Variants in CCDC50 observed in about 807,000 individuals in gnomAD.
CCDC50 encodes the protein coiled-coil domain-containing protein 50.
In CCDC50, 54 loss-of-function variants were observed where a neutral mutation model predicts 70.2. The ratio of observed to expected loss-of-function variants is 0.77; its 90% confidence interval spans 0.62 to 0.96. CCDC50 has a LOEUF of 0.96. Ranked by LOEUF, CCDC50 falls within the 50% of genes least tolerant of loss-of-function variation. The pLI, the probability that CCDC50 is intolerant of heterozygous loss-of-function variation, is 0.00. For synonymous variants in CCDC50, 216 were observed against 198.8 expected, an observed-to-expected ratio of 1.09 and a Z score of -0.73; for missense variants, 558 against 578.7, an observed-to-expected ratio of 0.96 and a Z score of 0.37.
chr3:191,329,661 G>A lies in CCDC50; in HGVS notation c.-14G>A. On this transcript the variant is annotated 5_prime_UTR_variant, in exon 1 of 12. Transcript: ENST00000392455. The stretch of plus-strand genomic sequence containing the variant: ...AAGCCCGCGTTAAAGGGGCAACCGG[G>A]ACCCTGGCCCGGTATGGCTGAAGTC... The A allele has an allele frequency of 1.2e-6, 2 of 1,606,996 alleles. No homozygotes were observed. Among genetic ancestry groups the A allele is most frequent in the Non-Finnish European group, 1.7e-6 (2 of 1,177,490 alleles).
rs1488846259 is a variant in CCDC50, at chr3:191,380,258, A to C, written c.1076A>C (p.Gln359Pro). ...WYDAEIARKLQEEELLATQVD... is the reference protein window; with the variant it reads ...WYDAEIARKLPEEELLATQVD... The stretch of plus-strand genomic sequence containing the variant: ...GATGCTGAAATTGCCAGAAAACTGC[A>C]AGAAGAAGAACTTTTGGTGAGCAAA... Residue 359 changes from glutamine to proline, a missense_variant, in exon 7 of 12, where the codon CAA (glutamine) becomes CCA (proline). Physicochemically the swap from Gln to Pro is moderately conservative, Grantham distance 76 (BLOSUM62 -1). Coordinates refer to ENST00000392455, the MANE Select transcript of CCDC50 (RefSeq NM_178335.3). The C allele has an allele frequency of 6.2e-7, 1 of 1,611,972 alleles. No homozygotes were observed. The highest frequency in any genetic ancestry group is 8.5e-7 in the Non-Finnish European group (1 of 1,178,364).
chr3:191,373,990 G>A (rs1436837727), intron 5 of CCDC50, among the ~76,000 whole-genome samples: 1 of 151,968 alleles, frequency 6.6e-6, no homozygotes, highest in African/African-American at 2.4e-5. Flanking sequence ...ATCAACTTAC[G>A]GTAGCTCTTT....
chr3:191,373,720 TAAAAC>T (rs1712994222), intron 5 of CCDC50, among the ~76,000 whole-genome samples: 1 of 152,160 alleles, frequency 6.6e-6, no homozygotes, highest in Non-Finnish European at 1.5e-5. Context: ...TTATGTAAAA[TAAAAC>T]TTACCCATAA....
intron 1 of CCDC50, among the ~76,000 whole-genome samples, chr3:191,337,555 G>A (rs1229914714): frequency 6.6e-6 from 1 of 151,886 alleles, no homozygotes; most frequent in African/African-American, 2.4e-5. Flanking sequence ...GTGTTGGCCC[G>A]GCTGGTCTCA....
At chr3:191,343,367 A>G (rs1009696118) in intron 1 of CCDC50, among the ~76,000 whole-genome samples, 3 of 152,238 alleles carry the variant, frequency 2.0e-5, no homozygotes, top group African/African-American at 7.2e-5. Context: ...TTCCTTGTGC[A>G]ATAAATATTC....
intron 3 of CCDC50, among the ~76,000 whole-genome samples, 190 bp downstream of exon 3, chr3:191,358,314 C>A (rs184691571): frequency 1.2e-4 from 18 of 152,198 alleles, no homozygotes; most frequent in East Asian, 7.7e-4. Flanking sequence ...AGCACTTGAC[C>A]AGGTTTAAGG....
At chr3:191,355,650 C>A (rs1712252527) in intron 1 of CCDC50, among the ~76,000 whole-genome samples, 1 of 152,172 alleles carries the variant, frequency 6.6e-6, no homozygotes, top group South Asian at 2.1e-4. Flanking sequence ...CATCTTGAAA[C>A]TACTTTTATT....
chr3:191,338,812 A>G (rs555759807), intron 1 of CCDC50, among the ~76,000 whole-genome samples: 1 of 152,340 alleles, frequency 6.6e-6, no homozygotes, highest in East Asian at 1.9e-4. Flanking sequence ...CTGAAGTCAG[A>G]GTGGTCTCCT....
chr3:191,361,041 T>C, intron 3 of CCDC50, 28 bp from the exon 4 acceptor site: 1 of 1,466,158 alleles, frequency 6.8e-7, no homozygotes, highest in Non-Finnish European at 9.6e-7. Context: ...TTATTTTCCT[T>C]ATTCATGTTT....
At chr3:191,360,757 C>T (rs986405621) in intron 3 of CCDC50, among the ~76,000 whole-genome samples, 19 of 152,140 alleles carry the variant, frequency 1.2e-4, no homozygotes, top group African/African-American at 4.3e-4. Context: ...GTCAAACAGG[C>T]CCCAGTGGGG....
rs931922147 is a variant in CCDC50 at position 191,395,998 on chromosome 3, T to G, written c.*4238T>G. On this transcript the variant is annotated 3_prime_UTR_variant, in exon 12 of 12. Transcript: ENST00000392455. The stretch of plus-strand genomic sequence containing the variant: ...GCATGGGGCACAATGTCTTTCAAAT[T>G]ATTGGTGGAAGAATCTCTTTTATCC... 6.6e-6 allele frequency: 1 copy of G among 152,136 alleles called. No homozygotes were observed. Among genetic ancestry groups the G allele is most frequent in the African/African-American group, 2.4e-5 (1 of 41,428 alleles). 9.4% of individuals were successfully genotyped at this position (152,136 alleles called of 1,614,324 possible). A position where few individuals can be genotyped will look rare whatever the true frequency, so the allele number is the denominator to read the frequency against.
intron 1 of CCDC50, among the ~76,000 whole-genome samples, chr3:191,330,235 T>C (rs1183403543): frequency 6.6e-6 from 1 of 151,998 alleles, no homozygotes; most frequent in Admixed American, 6.6e-5. Flanking sequence ...GGTTTAAAAG[T>C]TTAGTCTTGG....
chr3:191,329,902 T>G (rs1429425357), intron 1 of CCDC50, among the ~76,000 whole-genome samples, 179 bp downstream of exon 1: 1 of 129,130 alleles, frequency 7.7e-6, no homozygotes, highest in Non-Finnish European at 1.6e-5. Flanking sequence ...GTTGGGCAAG[T>G]CTCCGACGTT....
chr3:191,367,147 G>A (rs1712722408), intron 4 of CCDC50, among the ~76,000 whole-genome samples: 2 of 151,990 alleles, frequency 1.3e-5, no homozygotes, highest in Non-Finnish European at 2.9e-5. Flanking sequence ...AAAAAGGTTT[G>A]GGTGCTAAGG....
At chr3:191,373,570 G>A (rs293805) in intron 5 of CCDC50, among the ~76,000 whole-genome samples, 96,837 of 151,898 alleles carry the variant, frequency 0.64, 32,393 homozygotes, top group East Asian at 0.92. Context: ...TCATTTAAGT[G>A]GCTGGTCTGT....
chr3:191,383,129 A>AT (rs1318728368), intron 10 of CCDC50, among the ~76,000 whole-genome samples: 9 of 151,888 alleles, frequency 5.9e-5, no homozygotes, highest in Non-Finnish European at 1.2e-4. Context: ...AATGAGAGTG[A>AT]TTTTTTTTCC....
At chr3:191,342,277 T>A (rs1169355914) in intron 1 of CCDC50, among the ~76,000 whole-genome samples, 2 of 152,196 alleles carry the variant, frequency 1.3e-5, no homozygotes. Context: ...TTTAAGAGAT[T>A]ATTTTACCAT....
intron 11 of CCDC50, among the ~76,000 whole-genome samples, chr3:191,389,970 TC>T (rs1296237756): frequency 6.7e-6 from 1 of 149,694 alleles, no homozygotes; most frequent in Non-Finnish European, 1.5e-5. Context: ...AAGTGATCCT[TC>T]CATCTCAGCC....
At chr3:191,353,984 A>G (rs1377939578) in intron 1 of CCDC50, among the ~76,000 whole-genome samples, 1 of 152,166 alleles carries the variant, frequency 6.6e-6, no homozygotes, top group Non-Finnish European at 1.5e-5. Context: ...TGAGATAGTA[A>G]GAAATCATTA....
Sources: gnomAD v4.1 joint callset for allele counts (sites outside exome capture counted in the v4.1 genomes callset) on GRCh38, gnomAD v4.1.1 for gene constraint, MANE v1.5 for transcripts, NCBI Gene and HGNC (gene_info 2026-07-23, HGNC 2026-07-21) for gene names.